Variants in TTC21B observed in about 807,000 individuals in gnomAD.
TTC21B encodes the protein tetratricopeptide repeat protein 21B.
A neutral mutation model predicts 175.1 loss-of-function variants in TTC21B; 127 were observed. The ratio of observed to expected loss-of-function variants is 0.73; its 90% CI spans 0.63 to 0.84. The LOEUF (loss-of-function observed/expected upper bound fraction) is 0.84. Among genes scored for constraint, TTC21B ranks in the 40% least tolerant of loss-of-function variants. TTC21B has a pLI of 0.00. For synonymous variants in TTC21B, 524 were observed against 524.5 expected, an observed-to-expected ratio of 1.00 and a Z score of 0.01; for missense variants, 1,561 against 1,558.3, an observed-to-expected ratio of 1.00 and a Z score of -0.03.
Position 165,941,013 on chromosome 2 carries a change from T to G in TTC21B, c.710+14A>C. ...CAAATCCAAAGAGACTTGTGTCATCTTTTATTACTTAACCTTTGTGCTGTC... is the reference window on the plus strand; with the variant it reads ...CAAATCCAAAGAGACTTGTGTCATCGTTTATTACTTAACCTTTGTGCTGTC... On this transcript the variant is annotated intron_variant, in intron 6 of 28. Coordinates refer to ENST00000243344, the MANE Select transcript of TTC21B (RefSeq NM_024753.5). The G allele has an allele frequency of 1.9e-6, 3 of 1,613,616 alleles. No homozygotes were observed. Among genetic ancestry groups the G allele is most frequent in the Non-Finnish European group, 2.5e-6 (3 of 1,179,590 alleles).
At chr2:165,914,751 T>C (rs1686100374) in intron 15 of TTC21B, among the ~76,000 whole-genome samples, 1 of 140,648 alleles carries the variant, frequency 7.1e-6, no homozygotes, top group South Asian at 2.3e-4. Context: ...TTTAAGGTCA[T>C]GCTCTTTCAC....
intron 15 of TTC21B, 92 bp from the exon 16 acceptor site, chr2:165,913,738 G>GTT: frequency 9.2e-7 from 1 of 1,091,850 alleles, no homozygotes; most frequent in Admixed American, 1.9e-5. Flanking sequence ...CCTTATTTTA[G>GTT]TTAGCCAGTA....
At chr2:165,910,463 G>T (rs1289797687) in intron 18 of TTC21B, among the ~76,000 whole-genome samples, 1 of 151,778 alleles carries the variant, frequency 6.6e-6, no homozygotes, top group Non-Finnish European at 1.5e-5. Flanking sequence ...TAATTTGATA[G>T]TACCCAAACA....
intron 26 of TTC21B, 115 bp from the exon 27 acceptor site, chr2:165,880,914 A>C: frequency 1.7e-6 from 2 of 1,169,360 alleles, no homozygotes; most frequent in East Asian, 2.6e-5. Flanking sequence ...AAATCAAACA[A>C]TGGTTTTCAA....
rs201162086 is a variant in TTC21B, at chr2:165,888,323, C to T, written c.3415G>A (p.Val1139Ile). The T allele has an allele frequency of 2.5e-5, 40 of 1,613,890 alleles. 1 individual carries two copies. The Middle Eastern group carries it at 6.6e-4, about 27-fold the overall frequency. ...GTGAAGGTATTTAATGCTTGTTCAACATTAGATTTCTGTTTGGTAGCCATT... is the reference window on the plus strand; with the variant it reads ...GTGAAGGTATTTAATGCTTGTTCAATATTAGATTTCTGTTTGGTAGCCATT... ...CLMATKQKSN[V>I]EQALNTFTEI... is the part of the protein sequence containing the mutation. The change falls in exon 25 of 29, where the codon GTT (valine) becomes ATT (isoleucine). Residue 1139 changes from valine (V) to isoleucine (I), a missense_variant. Coordinates refer to ENST00000243344, the MANE Select transcript of TTC21B (RefSeq NM_024753.5).
In TTC21B at chr2:165,873,542, C is replaced by T. The variant is rs975912847; in HGVS notation, c.*1213G>A. On this transcript the variant is annotated 3_prime_UTR_variant, in exon 29 of 29. Transcript: ENST00000243344. ...GCTTCTATGCCAGGGTGCTGTTAAA[C>T]AGAGCTGGGTAAACCGTTGCCTTCA... 6.6e-6 allele frequency: 1 copy of T among 152,152 alleles called. No homozygotes were observed. The highest frequency in any genetic ancestry group is 2.1e-4 in the South Asian group (1 of 4,824). 9.4% of individuals were successfully genotyped at this position (152,152 alleles called of 1,614,324 possible). A position where few individuals can be genotyped will look rare whatever the true frequency, so the allele number is the denominator to read the frequency against.
chr2:165,877,489 A>C (rs1265255393), intron 27 of TTC21B, among the ~76,000 whole-genome samples: 1 of 152,206 alleles, frequency 6.6e-6, no homozygotes, highest in Non-Finnish European at 1.5e-5. Flanking sequence ...CATTGCTTAT[A>C]GCATTCATGA....
intron 5 of TTC21B, among the ~76,000 whole-genome samples, chr2:165,941,674 G>A (rs1401150739): frequency 6.6e-6 from 1 of 151,976 alleles, no homozygotes; most frequent in East Asian, 1.9e-4. Flanking sequence ...TGAATTATCT[G>A]AAGGAAATAA....
rs71031215 is a variant in TTC21B, at chr2:165,922,566, C to CAAAAA, written c.1516+1978_1516+1982dup. ...GCCGGAATAGCCACTATTAAAAAGT[C>CAAAAA]AAAAAAAAAAAAAAAAAAAAGACGT... On this transcript the variant is annotated intron_variant, in intron 12 of 28. Coordinates refer to ENST00000243344, the MANE Select transcript of TTC21B (RefSeq NM_024753.5). Among the ~76,000 whole-genome samples, 31 of 97,402 alleles carry CAAAAA rather than the reference C, an allele frequency of 3.2e-4. 2 individuals are homozygous for CAAAAA. Among genetic ancestry groups the CAAAAA allele is most frequent in the African/African-American group, 4.7e-4 (12 of 25,380 alleles). 63.9% of individuals were successfully genotyped at this position (97,402 alleles called of 152,430 possible).
intron 18 of TTC21B, among the ~76,000 whole-genome samples, 159 bp from the exon 19 acceptor site, chr2:165,907,943 TAA>T (rs58336772): frequency 1.4e-5 from 2 of 146,202 alleles, no homozygotes. Context: ...ATGGCCAAAT[TAA>T]AAAAAAAAAG....
At chr2:165,878,010 G>A (rs1203225288) in intron 27 of TTC21B, among the ~76,000 whole-genome samples, 2 of 152,110 alleles carry the variant, frequency 1.3e-5, no homozygotes, top group Admixed American at 6.6e-5. Context: ...CTAGCTTTGG[G>A]ATCTTACGCA....
rs368590446 is a variant in TTC21B, at chr2:165,907,663, G to C, written c.2568+15C>G. ...CTCCTACCTCATGACCACACTCACA[G>C]ACAAATGTGTTTACCTGTTGTAATG... On this transcript the variant is annotated intron_variant, in intron 19 of 28. Coordinates refer to ENST00000243344, the MANE Select transcript of TTC21B (RefSeq NM_024753.5). 2.8e-5 allele frequency: 44 copies of C among 1,560,892 alleles called. No individual in the cohort carries two copies. In the African/African-American group the frequency reaches 5.0e-4, roughly 18 times the overall value.
At chr2:165,906,307 A>G (rs1685732411) in intron 19 of TTC21B, among the ~76,000 whole-genome samples, 1 of 150,252 alleles carries the variant, frequency 6.7e-6, no homozygotes, top group South Asian at 2.1e-4. Flanking sequence ...CAAAGAGTGT[A>G]GAAGAAATTA....
At position 165,917,312 on chromosome 2, in the gene TTC21B, T is replaced by C. The variant is rs768933145; in HGVS notation, c.1844A>G (p.His615Arg). The C allele has an allele frequency of 5.0e-6, 8 of 1,614,112 alleles. No individual in the cohort carries two copies. In the African/African-American group the frequency reaches 8.0e-5, roughly 16 times the overall value. ...CAATTCAAGAAAGATCGATAAACGA[T>C]GGCTTGTATCAACTTCAGTTTTTCT... ...KDRKTEVDTS[H>R]RLSIFLELID... The change falls in exon 14 of 29, where the codon CAT becomes CGT. Residue 615 changes from histidine to arginine, a missense_variant. Transcript: ENST00000243344.
At chr2:165,894,788 T>C (rs1261745756) in intron 22 of TTC21B, among the ~76,000 whole-genome samples, 1 of 152,228 alleles carries the variant, frequency 6.6e-6, no homozygotes, top group Non-Finnish European at 1.5e-5. Context: ...TTTTGTCTGA[T>C]ATTGGGAATA....
At chr2:165,888,574 T>C (rs1685086202) in intron 24 of TTC21B, 100 bp from the exon 25 acceptor site, 2 of 850,458 alleles carry the variant, frequency 2.4e-6, no homozygotes, top group Non-Finnish European at 3.8e-6. Context: ...GGGCACTCTT[T>C]TATACTCTTT....
At chr2:165,896,404 A>G (rs973861641) in intron 22 of TTC21B, among the ~76,000 whole-genome samples, 1 of 152,062 alleles carries the variant, frequency 6.6e-6, no homozygotes, top group East Asian at 1.9e-4. Flanking sequence ...AAATTCTGGA[A>G]ACACAGCAGT....
chr2:165,878,241 G>A (rs1684731932), intron 27 of TTC21B, among the ~76,000 whole-genome samples: 1 of 152,030 alleles, frequency 6.6e-6, no homozygotes, highest in Non-Finnish European at 1.5e-5. Flanking sequence ...ACATGACCTG[G>A]TACAAAAATT....
At chr2:165,927,164 CCTAACAGTTATATATATATATA>C (rs1686684112) in intron 11 of TTC21B, among the ~76,000 whole-genome samples, 5 of 15,288 alleles carry the variant, frequency 3.3e-4, no homozygotes, top group Non-Finnish European at 6.5e-4. Context: ...ATATATATAT[CCTAACAGTTATATATATATATA>C]TCCTAGTAGT....
Sources: allele counts gnomAD v4.1 joint callset (sites outside exome capture counted in the v4.1 genomes callset), GRCh38; gene constraint gnomAD v4.1.1; transcripts MANE v1.5; gene names NCBI Gene and HGNC (gene_info 2026-07-23, HGNC 2026-07-21).